Variants in SLC41A1 observed in about 807,000 individuals in gnomAD.
The protein encoded by SLC41A1 is solute carrier family 41 member 1.
SLC41A1 carries 20 observed loss-of-function variants against 47.3 expected under a neutral mutation model. The observed-to-expected ratio is 0.42, with a 90% CI of 0.30 to 0.61. The LOEUF is 0.61. Among genes scored for constraint, SLC41A1 ranks in the 20% least tolerant of loss-of-function variants. The probability of loss-of-function intolerance (pLI) is 0.17; values close to 1 mark genes in which losing one functional copy is unlikely to be tolerated. For missense variants in SLC41A1, 504 were observed against 674.1 expected (o/e 0.75, Z 2.79); for synonymous variants, 282 against 272.7 (o/e 1.03, Z -0.34).
intron 8 of SLC41A1, chr1:205,796,676 C>T: frequency 1.7e-6 from 1 of 576,046 alleles, no homozygotes; most frequent in Non-Finnish European, 3.1e-6. Flanking sequence ...ATGATACTCC[C>T]CTTGACCCTT....
At chr1:205,809,051 TCTC>T (rs1191674713) in intron 2 of SLC41A1, among the ~76,000 whole-genome samples, 1 of 152,118 alleles carries the variant, frequency 6.6e-6, no homozygotes, top group Non-Finnish European at 1.5e-5. Flanking sequence ...AAAGGCCAGA[TCTC>T]CTCCTGCCTT....
In SLC41A1 at chr1:205,813,174, T is replaced by G; in HGVS notation, c.-1013A>C. On this transcript the variant is annotated 5_prime_UTR_variant, in exon 1 of 11. Transcript: ENST00000367137. ...TCGGGCCCAACTGGTTGGCTGCCGG[T>G]GGCAAACGTGATCTGGGGCAGACTG... is the stretch of plus-strand genomic sequence containing the variant. 1 of 985,298 alleles carries G rather than the reference T, an allele frequency of 1.0e-6. No homozygotes were observed. The allele number at this position is 985,298 out of a possible 1,614,324, so 61.0% of individuals were successfully genotyped here. A position where few individuals can be genotyped will look rare whatever the true frequency, so the allele number is the denominator to read the frequency against.
In SLC41A1 at chr1:205,790,376, G is replaced by A. The variant is rs1267828244; in HGVS notation, c.*1157C>T. 1 of 152,212 alleles carries A rather than the reference G, an allele frequency of 6.6e-6. No individual in the cohort carries two copies. Among genetic ancestry groups the A allele is most frequent in the African/African-American group, 2.4e-5 (1 of 41,456 alleles). 9.4% of individuals were successfully genotyped at this position (152,212 alleles called of 1,614,324 possible). A position where few individuals can be genotyped will look rare whatever the true frequency, so the allele number is the denominator to read the frequency against. On this transcript the variant is annotated 3_prime_UTR_variant, in exon 11 of 11. Coordinates refer to ENST00000367137, the MANE Select transcript of SLC41A1 (RefSeq NM_173854.6). ...TAAATATTGCTCAAAGAATGTTTCA[G>A]ACCATGCTTGTCTGCAGGAGAGCTC...
intron 10 of SLC41A1, 118 bp downstream of exon 10, chr1:205,794,752 C>G: frequency 7.3e-7 from 1 of 1,360,564 alleles, no homozygotes; most frequent in Non-Finnish European, 1.0e-6. Flanking sequence ...TGTTTATCAG[C>G]TGCCCTGACA....
At position 205,812,933 on chromosome 1, in the gene SLC41A1, G is replaced by GC. The variant is rs993393470; in HGVS notation, c.-773dup. On this transcript the variant is annotated 5_prime_UTR_variant, in exon 1 of 11. Coordinates refer to ENST00000367137, the MANE Select transcript of SLC41A1 (RefSeq NM_173854.6). Reference sequence around the variant, plus strand: ...GACAGTCCTCCTTGGCCCCCGGCGTGCCCCCCCACACCCCCAGCCAAGGCG... The same window carrying GC: ...GACAGTCCTCCTTGGCCCCCGGCGTGCCCCCCCCACACCCCCAGCCAAGGCG... 4.7e-5 allele frequency: 46 copies of GC among 985,496 alleles called. No homozygotes were observed. The highest frequency in any genetic ancestry group is 2.3e-4 in the South Asian group (5 of 21,282). 61.0% of individuals were successfully genotyped at this position (985,496 alleles called of 1,614,324 possible).
In SLC41A1 at chr1:205,810,736, T is replaced by C; in HGVS notation, c.-295A>G. The C allele has an allele frequency of 2.1e-6, 1 of 475,482 alleles. No homozygotes were observed. The highest frequency in any genetic ancestry group is 3.9e-6 in the Non-Finnish European group (1 of 259,092). The allele number at this position is 475,482 out of a possible 1,614,324, so 29.5% of individuals were successfully genotyped here. ...ACCAGCTCTGTGCTTGAAGAAAAAGTATCTGTCCTCTTATCTTCTTTGGTT... is the reference window on the plus strand; with the variant it reads ...ACCAGCTCTGTGCTTGAAGAAAAAGCATCTGTCCTCTTATCTTCTTTGGTT... On this transcript the variant is annotated 5_prime_UTR_variant, in exon 2 of 11. It adds an upstream start codon to the 5' untranslated region. Transcript: ENST00000367137. The surrounding 1 kb of genome is among the most constrained non-coding windows in gnomAD (Gnocchi z 5.5).
chr1:205,810,430 C>A lies in SLC41A1; in HGVS notation c.12G>T (p.Lys4Asn). MSSKPEPKDVHQLN... is the reference protein window; with the variant it reads MSSNPEPKDVHQLN... Reference sequence around the variant, plus strand: ...GTTGGTGGACGTCCTTCGGCTCTGGCTTAGAGGACATGACAGGCACGGAGG... The same window carrying A: ...GTTGGTGGACGTCCTTCGGCTCTGGATTAGAGGACATGACAGGCACGGAGG... Residue 4 changes from lysine (K) to asparagine (N), a missense_variant, in exon 2 of 11, where the codon AAG (lysine) becomes AAT (asparagine). Coordinates refer to ENST00000367137, the MANE Select transcript of SLC41A1 (RefSeq NM_173854.6). This position sits in a 1 kb window ranked among gnomAD's most constrained non-coding sequence, Gnocchi z 5.5. 6.2e-7 allele frequency: 1 copy of A among 1,614,240 alleles called. No individual in the cohort carries two copies.
At chr1:205,800,768 GCCCAGGA>G (rs1655860626) in intron 3 of SLC41A1, among the ~76,000 whole-genome samples, 178 bp downstream of exon 3, 1 of 152,136 alleles carries the variant, frequency 6.6e-6, no homozygotes, top group Non-Finnish European at 1.5e-5. Flanking sequence ...GGGAGCCCCT[GCCCAGGA>G]GCAGGACACC....
chr1:205,804,520 C>A (rs1655968920), intron 2 of SLC41A1, among the ~76,000 whole-genome samples: 1 of 152,132 alleles, frequency 6.6e-6, no homozygotes, highest in South Asian at 2.1e-4. Flanking sequence ...CACCCTAAGA[C>A]CCCCCAGAGA....
intron 5 of SLC41A1, 44 bp from the exon 6 acceptor site, chr1:205,798,859 T>G: frequency 1.2e-6 from 2 of 1,613,896 alleles, no homozygotes; most frequent in African/African-American, 1.3e-5. Flanking sequence ...TGAGAAGAGA[T>G]AAAGGAGTCT....
chr1:205,804,665 C>T (rs1177981205), intron 2 of SLC41A1, among the ~76,000 whole-genome samples: 3 of 152,164 alleles, frequency 2.0e-5, no homozygotes, highest in Non-Finnish European at 4.4e-5. Context: ...CTGCTTCCTC[C>T]CAAACCAGCT....
intron 1 of SLC41A1, 68 bp from the exon 2 acceptor site, chr1:205,811,155 AG>A (rs1262673398): frequency 6.5e-6 from 1 of 153,260 alleles, no homozygotes; most frequent in African/African-American, 2.4e-5. Flanking sequence ...TTGTACTGGG[AG>A]AATTTCCCCC....
At chr1:205,795,566 C>G (rs779311660) in intron 8 of SLC41A1, 88 bp from the exon 9 acceptor site, 33 of 1,500,358 alleles carry the variant, frequency 2.2e-5, no homozygotes, top group Non-Finnish European at 2.9e-5. Flanking sequence ...TGTCTTCTAT[C>G]TATAGAGGCA....
chr1:205,809,711 T>C (rs1408203918), intron 2 of SLC41A1, among the ~76,000 whole-genome samples: 1 of 152,052 alleles, frequency 6.6e-6, no homozygotes, highest in East Asian at 1.9e-4. Context: ...ACAAAAGGCA[T>C]AAAGAGGAGA....
At chr1:205,809,607 C>A (rs1427243159) in intron 2 of SLC41A1, among the ~76,000 whole-genome samples, 4 of 152,178 alleles carry the variant, frequency 2.6e-5, no homozygotes, top group Non-Finnish European at 5.9e-5. Context: ...ACCCTCTTGG[C>A]AGCTGAACAA....
At chr1:205,799,892 T>C in intron 3 of SLC41A1, 62 bp from the exon 4 acceptor site, 1 of 1,433,126 alleles carries the variant, frequency 7.0e-7, no homozygotes, top group Non-Finnish European at 9.8e-7. Flanking sequence ...GCTCCATCCA[T>C]TAGGCTCCTG....
chr1:205,812,014 C>A (rs903611622), intron 1 of SLC41A1, among the ~76,000 whole-genome samples: 7 of 152,106 alleles, frequency 4.6e-5, no homozygotes, highest in Non-Finnish European at 1.0e-4. Flanking sequence ...ATAAAAAAAA[C>A]CCAAAACAAA....
Position 205,802,271 on chromosome 1 carries a change from C to T in SLC41A1, c.373-1211G>A, listed in dbSNP as rs530891198. Among the ~76,000 whole-genome samples the T allele has an allele frequency of 5.1e-3, 780 of 152,238 alleles. 3 individuals are homozygous for T. Among genetic ancestry groups the T allele is most frequent in the Non-Finnish European group, 7.2e-3 (493 of 68,002 alleles). On this transcript the variant is annotated intron_variant, in intron 2 of 10. Coordinates refer to ENST00000367137, the MANE Select transcript of SLC41A1 (RefSeq NM_173854.6). ...TCCTACAGGAGACAGCAGGGATGGC[C>T]CCCTGCTTATCTCCCCAGTACACCT...
chr1:205,803,936 A>G (rs1412754603), intron 2 of SLC41A1, among the ~76,000 whole-genome samples: 15 of 152,098 alleles, frequency 9.9e-5, no homozygotes, highest in Non-Finnish European at 2.1e-4. Flanking sequence ...AGTCAAATTC[A>G]TAGAGGCGGA....
Sources: allele counts gnomAD v4.1 joint callset (sites outside exome capture counted in the v4.1 genomes callset), GRCh38; gene constraint gnomAD v4.1.1; non-coding constraint Gnocchi (gnomAD v3.1); transcripts MANE v1.5; gene names NCBI Gene and HGNC (gene_info 2026-07-23, HGNC 2026-07-21).